Variants in SRRM4 observed in about 807,000 individuals in gnomAD.
SRRM4 encodes the protein serine/arginine repetitive matrix protein 4.
SRRM4 carries 33 observed loss-of-function variants against 68.9 expected under a neutral mutation model. The ratio of observed to expected loss-of-function variants is 0.48; its 90% confidence interval spans 0.36 to 0.64. The LOEUF is 0.64. Ranked by LOEUF, SRRM4 falls within the 30% of genes least tolerant of loss-of-function variation. The pLI, the probability that SRRM4 is intolerant of heterozygous loss-of-function variation, is 0.00. For synonymous variants in SRRM4, 318 were observed against 318.8 expected (o/e 1.00, Z 0.03); for missense variants, 817 against 827.1 (o/e 0.99, Z 0.15).
intron 1 of SRRM4, among the ~76,000 whole-genome samples, chr12:118,992,463 G>T (rs547496672): frequency 6.6e-6 from 1 of 152,320 alleles, no homozygotes; most frequent in African/African-American, 2.4e-5. Context: ...TCTGGAATCA[G>T]ATTTCAGAAC....
At chr12:119,006,892 G>C (rs1002638728) in intron 1 of SRRM4, among the ~76,000 whole-genome samples, 2 of 152,230 alleles carry the variant, frequency 1.3e-5, no homozygotes, top group Non-Finnish European at 2.9e-5. Flanking sequence ...GCTGGAGACC[G>C]AGGCCAAGGC....
chr12:119,136,011 A>T (rs1439529651), intron 8 of SRRM4, among the ~76,000 whole-genome samples: 3 of 151,044 alleles, frequency 2.0e-5, no homozygotes, highest in Admixed American at 6.6e-5. Flanking sequence ...GCCCTCATGT[A>T]GCTTATGCTC....
At chr12:119,120,959 T>C (rs1954215732) in intron 5 of SRRM4, among the ~76,000 whole-genome samples, 2 of 152,226 alleles carry the variant, frequency 1.3e-5, no homozygotes, top group Non-Finnish European at 1.5e-5. Context: ...TAGAGCAATC[T>C]GCAAAATGCA....
intron 4 of SRRM4, among the ~76,000 whole-genome samples, chr12:119,118,604 A>C (rs1365356332): frequency 6.6e-6 from 1 of 152,260 alleles, no homozygotes; most frequent in Non-Finnish European, 1.5e-5. Context: ...ATTTGGTGTC[A>C]GCAATCTTTC....
chr12:119,125,510 C>A, intron 7 of SRRM4, 31 bp downstream of exon 7: 4 of 1,589,420 alleles, frequency 2.5e-6, no homozygotes, highest in Non-Finnish European at 3.5e-6. Flanking sequence ...CCTCTTCTGT[C>A]AGCCACAGCC....
chr12:119,120,282 A>G lies in SRRM4; in HGVS notation c.464+6A>G, dbSNP rs1207465443. On this transcript the variant is annotated splice_donor_region_variant and intron_variant, in intron 5 of 12. Coordinates refer to ENST00000267260, the MANE Select transcript of SRRM4 (RefSeq NM_194286.4). ...TCCAAGAAGAGAAGGCACAGGTAAG[A>G]CTCTTGTTCTCTGACTGCCTGTTCA... is the stretch of plus-strand genomic sequence containing the variant. The G allele has an allele frequency of 1.9e-6, 3 of 1,546,436 alleles. No homozygotes were observed. Among genetic ancestry groups the G allele is most frequent in the Admixed American group, 4.0e-5 (2 of 50,524 alleles).
intron 1 of SRRM4, among the ~76,000 whole-genome samples, chr12:119,031,742 G>A (rs1953591958): frequency 6.6e-6 from 1 of 151,474 alleles, no homozygotes; most frequent in Admixed American, 6.6e-5. Context: ...ATTTCTTTGA[G>A]AGCTCATTTA....
intron 1 of SRRM4, among the ~76,000 whole-genome samples, chr12:119,040,180 A>G (rs1019729140): frequency 6.7e-6 from 1 of 148,294 alleles, no homozygotes; most frequent in Non-Finnish European, 1.5e-5. Context: ...AATAGCAGCT[A>G]CCTTTTATTT....
At chr12:119,138,559 T>G (rs1483389139) in intron 8 of SRRM4, among the ~76,000 whole-genome samples, 1 of 152,182 alleles carries the variant, frequency 6.6e-6, no homozygotes, top group African/African-American at 2.4e-5. Context: ...CACTCCTTGG[T>G]TGAGGTTAAC....
At chr12:119,134,897 A>T (rs1954318897) in intron 8 of SRRM4, among the ~76,000 whole-genome samples, 1 of 152,160 alleles carries the variant, frequency 6.6e-6, no homozygotes. Flanking sequence ...GATGCATAGG[A>T]GTTCATTGGG....
chr12:119,088,879 A>C (rs1953996294), intron 1 of SRRM4, among the ~76,000 whole-genome samples: 2 of 152,220 alleles, frequency 1.3e-5, no homozygotes, highest in African/African-American at 2.4e-5. Flanking sequence ...GTGACAGCTA[A>C]CATTGATTAA....
intron 1 of SRRM4, among the ~76,000 whole-genome samples, chr12:119,087,268 C>T (rs1468238277): frequency 1.3e-5 from 2 of 152,176 alleles, no homozygotes; most frequent in Admixed American, 6.5e-5. Flanking sequence ...TGGTGCTCCA[C>T]GAATATCCAC....
intron 8 of SRRM4, among the ~76,000 whole-genome samples, chr12:119,137,694 TC>T (rs893482640): frequency 8.7e-5 from 13 of 149,732 alleles, no homozygotes; most frequent in African/African-American, 3.0e-4. Context: ...ATAGTTCACT[TC>T]CCCCCAATGG....
intron 1 of SRRM4, among the ~76,000 whole-genome samples, chr12:119,080,152 G>A (rs1953939439): frequency 6.6e-6 from 1 of 152,016 alleles, no homozygotes. Context: ...GGGATCTCTG[G>A]GACCTCGGTG....
At chr12:119,043,428 A>G (rs767911222) in intron 1 of SRRM4, among the ~76,000 whole-genome samples, 32 of 152,152 alleles carry the variant, frequency 2.1e-4, no homozygotes, top group Non-Finnish European at 4.1e-4. Context: ...CAGGATAGCT[A>G]ATGCATGTGG....
chr12:119,162,783 C>T lies in SRRM4; in HGVS notation c.*5985C>T. On this transcript the variant is annotated 3_prime_UTR_variant, in exon 13 of 13. Coordinates refer to ENST00000267260, the MANE Select transcript of SRRM4 (RefSeq NM_194286.4). ...CTGCATTGGAGGCTGCGAATCTCCT[C>T]TGGAAAATTCCCAACCCGAGGACCC... The T allele has an allele frequency of 6.6e-6, 1 of 152,246 alleles. No homozygotes were observed. The highest frequency in any genetic ancestry group is 1.9e-4 in the East Asian group (1 of 5,186). The allele number at this position is 152,246 out of a possible 1,614,324, so 9.4% of individuals were successfully genotyped here. A position where few individuals can be genotyped will look rare whatever the true frequency, so the allele number is the denominator to read the frequency against.
chr12:118,999,730 C>T (rs1433879953), intron 1 of SRRM4, among the ~76,000 whole-genome samples: 1 of 152,156 alleles, frequency 6.6e-6, no homozygotes, highest in Non-Finnish European at 1.5e-5. Flanking sequence ...GGAAATTGAA[C>T]TCAGAGAGGT....
chr12:118,993,168 C>A (rs1372866908), intron 1 of SRRM4, among the ~76,000 whole-genome samples: 1 of 152,108 alleles, frequency 6.6e-6, no homozygotes, highest in Non-Finnish European at 1.5e-5. Context: ...TCTCTTGACT[C>A]CAAGTTTAAT....
intron 1 of SRRM4, among the ~76,000 whole-genome samples, chr12:119,018,727 G>A (rs886908326): frequency 7.2e-5 from 11 of 152,146 alleles, no homozygotes; most frequent in Non-Finnish European, 1.3e-4. Flanking sequence ...CTCGTATTTA[G>A]AAAGAATCCA....
Sources: gnomAD v4.1 joint callset for allele counts (sites outside exome capture counted in the v4.1 genomes callset) on GRCh38, gnomAD v4.1.1 for gene constraint, MANE v1.5 for transcripts, NCBI Gene and HGNC (gene_info 2026-07-23, HGNC 2026-07-21) for gene names.